The following SVOPL variants were observed in gnomAD, a reference collection of about 807,000 sequenced individuals.
SVOPL encodes the protein putative transporter SVOPL.
A neutral mutation model predicts 61.0 loss-of-function variants in SVOPL; 60 were observed. The observed-to-expected ratio is 0.98, with a 90% CI of 0.80 to 1.22. The LOEUF is 1.22. SVOPL is among the 50% of genes most tolerant of loss of function. The pLI is 0.00. For missense variants in SVOPL, 662 were observed against 643.9 expected (o/e 1.03, Z -0.30); for synonymous variants, 279 against 250.0 (o/e 1.12, Z -1.09).
chr7:138,609,489 C>CAAAAA (rs35516590), intron 14 of SVOPL, among the ~76,000 whole-genome samples: 5 of 48,330 alleles, frequency 1.0e-4, no homozygotes, highest in African/African-American at 2.4e-4. Flanking sequence ...ACCACCTCTA[C>CAAAAA]AAAAAAAAAA....
At chr7:138,608,035 G>A (rs1036993314) in intron 14 of SVOPL, among the ~76,000 whole-genome samples, 2 of 152,108 alleles carry the variant, frequency 1.3e-5, no homozygotes, top group African/African-American at 4.8e-5. Context: ...AATGCCATAA[G>A]ATGCCTAGGA....
intron 3 of SVOPL, among the ~76,000 whole-genome samples, chr7:138,676,342 T>C (rs1034274428): frequency 3.3e-5 from 5 of 152,224 alleles, no homozygotes; most frequent in African/African-American, 1.2e-4. Flanking sequence ...GAAATCTAAA[T>C]TCATTTTCTC....
At chr7:138,659,794 C>T (rs1801919207) in intron 6 of SVOPL, 70 bp downstream of exon 6, 1 of 1,425,982 alleles carries the variant, frequency 7.0e-7, no homozygotes, top group Non-Finnish European at 9.6e-7. Flanking sequence ...CTATTAAGCG[C>T]AGTGTGTGTG....
chr7:138,645,328 C>T (rs545642743), intron 8 of SVOPL, among the ~76,000 whole-genome samples: 5 of 152,242 alleles, frequency 3.3e-5, no homozygotes, highest in Admixed American at 1.3e-4. Context: ...GAACATCGCA[C>T]GCAGAAAACA....
At chr7:138,604,554 G>C (rs983906618) in intron 14 of SVOPL, among the ~76,000 whole-genome samples, 1 of 151,658 alleles carries the variant, frequency 6.6e-6, no homozygotes, top group Non-Finnish European at 1.5e-5. Flanking sequence ...GCAGGCACCT[G>C]TAAATCCCAG....
chr7:138,687,498 A>T (rs1033701346), intron 1 of SVOPL, among the ~76,000 whole-genome samples: 11 of 151,536 alleles, frequency 7.3e-5, no homozygotes, highest in African/African-American at 2.4e-4. Flanking sequence ...CAGCCTCCCA[A>T]AGTGCTGAGA....
chr7:138,622,122 G>GTATC (rs1255678984), intron 13 of SVOPL, among the ~76,000 whole-genome samples: 864 of 25,928 alleles, frequency 0.033, 52 homozygotes, highest in African/African-American at 0.037. Context: ...ATCTATCTAT[G>GTATC]TATCTATCTA....
At chr7:138,689,565 A>T in intron 1 of SVOPL, 3 of 130,962 alleles carry the variant, frequency 2.3e-5, no homozygotes, top group Non-Finnish European at 2.7e-5. Flanking sequence ...GTAAAAAAAG[A>T]AAAAAAAAAA....
At chr7:138,697,104 T>C (rs1185196810) in intron 1 of SVOPL, among the ~76,000 whole-genome samples, 1 of 152,122 alleles carries the variant, frequency 6.6e-6, no homozygotes, top group Non-Finnish European at 1.5e-5. Flanking sequence ...GGCATGGTGG[T>C]GCATACCTGT....
chr7:138,640,961 G>A (rs1329510527), intron 9 of SVOPL, among the ~76,000 whole-genome samples: 1 of 152,084 alleles, frequency 6.6e-6, no homozygotes, highest in Admixed American at 6.6e-5. Context: ...CCATAAATTT[G>A]GGAGGCCAAG....
chr7:138,608,482 C>T (rs1380444301), intron 14 of SVOPL, among the ~76,000 whole-genome samples: 1 of 152,184 alleles, frequency 6.6e-6, no homozygotes, highest in Non-Finnish European at 1.5e-5. Flanking sequence ...CGTGTTGAGA[C>T]AGCCGGCTTG....
intron 1 of SVOPL, among the ~76,000 whole-genome samples, chr7:138,693,603 AAG>A (rs1273816937): frequency 6.6e-6 from 1 of 151,590 alleles, no homozygotes; most frequent in Admixed American, 6.6e-5. Flanking sequence ...AAAGGAAAGA[AAG>A]AAAAAAGAAA....
intron 1 of SVOPL, among the ~76,000 whole-genome samples, chr7:138,685,370 C>T (rs528941342): frequency 2.6e-5 from 4 of 152,104 alleles, no homozygotes; most frequent in East Asian, 1.9e-4. Context: ...ATTTACATGA[C>T]GAATCTAGAA....
rs558576586 is a variant in SVOPL at position 138,689,725 on chromosome 7, C to T, written c.-34-10646G>A. ...TACAAAAATTAGCCGGGCACGGTGG[C>T]GCACACCTGTAATCCCAGCTACTCA... On this transcript the variant is annotated intron_variant, in intron 1 of 15. Coordinates refer to ENST00000674285, the MANE Select transcript of SVOPL (RefSeq NM_001139456.2). Among the ~76,000 whole-genome samples the T allele has an allele frequency of 2.9e-4, 44 of 151,652 alleles. No individual in the cohort carries two copies. In the South Asian group the frequency reaches 5.4e-3, roughly 19 times the overall value.
intron 14 of SVOPL, among the ~76,000 whole-genome samples, chr7:138,599,167 A>AAAAAC (rs58372563): frequency 0.59 from 70,356 of 119,152 alleles, 23,423 homozygotes; most frequent in African/African-American, 0.76. Context: ...ACCAAAAAAA[A>AAAAAC]AAGAAATACA....
chr7:138,609,831 CA>C (rs1216600681), intron 14 of SVOPL, among the ~76,000 whole-genome samples: 2 of 151,958 alleles, frequency 1.3e-5, no homozygotes, highest in Non-Finnish European at 2.9e-5. Flanking sequence ...CTCCCAGTTT[CA>C]ATCGATTCTC....
At chr7:138,675,752 G>A (rs192204950) in intron 3 of SVOPL, among the ~76,000 whole-genome samples, 210 of 152,070 alleles carry the variant, frequency 1.4e-3, no homozygotes, top group Non-Finnish European at 2.5e-3. Context: ...TTTACCCTCC[G>A]GCCCAACACC....
At chr7:138,643,258 C>A (rs1800922914) in intron 9 of SVOPL, among the ~76,000 whole-genome samples, 1 of 151,918 alleles carries the variant, frequency 6.6e-6, no homozygotes, top group Admixed American at 6.6e-5. Context: ...AACCCCGTCT[C>A]TACTAAAAAT....
At chr7:138,648,326 G>C (rs1485124559) in intron 8 of SVOPL, among the ~76,000 whole-genome samples, 1 of 152,098 alleles carries the variant, frequency 6.6e-6, no homozygotes, top group East Asian at 1.9e-4. Flanking sequence ...ATGTGAGAAA[G>C]ATGGCCTGGC....
Sources: gnomAD v4.1 joint callset for allele counts (sites outside exome capture counted in the v4.1 genomes callset) on GRCh38, gnomAD v4.1.1 for gene constraint, MANE v1.5 for transcripts, NCBI Gene and HGNC (gene_info 2026-07-23, HGNC 2026-07-21) for gene names.